PRKCH: variants seen among roughly 807,000 people sequenced by gnomAD.
PRKCH encodes the protein protein kinase C eta, also known as protein kinase C eta type.
Under a neutral mutation model 82.5 loss-of-function variants are expected in PRKCH, and 28 were observed. The ratio of observed to expected loss-of-function variants is 0.34; its 90% CI spans 0.25 to 0.47. The LOEUF (loss-of-function observed/expected upper bound fraction) is 0.47. Ranked by LOEUF, PRKCH falls within the 20% of genes least tolerant of loss-of-function variation. The pLI is 1.00. For synonymous variants in PRKCH, 322 were observed against 327.4 expected (o/e 0.98, Z 0.18); for missense variants, 705 against 881.8 (o/e 0.80, Z 2.54).
intron 1 of PRKCH, among the ~76,000 whole-genome samples, chr14:61,370,273 A>G (rs1217361319): frequency 6.6e-6 from 1 of 152,138 alleles, no homozygotes; most frequent in African/African-American, 2.4e-5. Flanking sequence ...TGAGAACCCT[A>G]ATACATAAAC....
intron 1 of PRKCH, among the ~76,000 whole-genome samples, chr14:61,252,039 C>T (rs1156506670): frequency 1.3e-5 from 2 of 152,120 alleles, no homozygotes; most frequent in Non-Finnish European, 2.9e-5. Flanking sequence ...AGGGTTTCAC[C>T]ATGTTGGTCA....
At chr14:61,284,666 T>C (rs191998172) in intron 1 of PRKCH, among the ~76,000 whole-genome samples, 1 of 152,240 alleles carries the variant, frequency 6.6e-6, no homozygotes, top group Admixed American at 6.5e-5. Flanking sequence ...TATGTTGTGA[T>C]GTATTAAAGG....
At chr14:61,410,977 A>C (rs767694290) in intron 2 of PRKCH, among the ~76,000 whole-genome samples, 5 of 152,242 alleles carry the variant, frequency 3.3e-5, no homozygotes, top group Non-Finnish European at 5.9e-5. Context: ...GACAGAAAGT[A>C]TGAGACATCG....
At chr14:61,385,110 AG>A (rs950119768) in intron 1 of PRKCH, among the ~76,000 whole-genome samples, 9 of 151,360 alleles carry the variant, frequency 5.9e-5, no homozygotes, top group African/African-American at 1.7e-4. Context: ...TCTGTAGGGG[AG>A]GGGGTTAGTG....
At chr14:61,268,963 C>T (rs1452713551) in intron 1 of PRKCH, among the ~76,000 whole-genome samples, 3 of 152,148 alleles carry the variant, frequency 2.0e-5, no homozygotes, top group Non-Finnish European at 4.4e-5. Flanking sequence ...ATTTATTGGT[C>T]TTCCACTTAA....
chr14:61,501,315 C>T (rs984567262), intron 10 of PRKCH, among the ~76,000 whole-genome samples: 12 of 151,934 alleles, frequency 7.9e-5, no homozygotes, highest in African/African-American at 1.7e-4. Context: ...TGGTTATACC[C>T]GTACTGTGGA....
chr14:61,333,831 T>A lies in PRKCH; in HGVS notation c.363+11367T>A, dbSNP rs557953465. Among the ~76,000 whole-genome samples the A allele has an allele frequency of 5.9e-5, 9 of 152,328 alleles. No homozygotes were observed. The East Asian group carries it at 9.6e-4, about 16-fold the overall frequency. ...ACGCTTTTTCTTAAAACATTCACCC[T>A]CTTTTTGAGCTGCAGTGGGCATTAT... On this transcript the variant is annotated intron_variant, in intron 1 of 13. Transcript: ENST00000332981.
intron 3 of PRKCH, 83 bp from the exon 4 acceptor site, chr14:61,445,609 G>A (rs969892579): frequency 4.2e-6 from 5 of 1,182,432 alleles, no homozygotes; most frequent in African/African-American, 1.5e-5. Flanking sequence ...AAGGAGGAGA[G>A]GATGAAATTT....
intron 3 of PRKCH, among the ~76,000 whole-genome samples, chr14:61,443,714 A>T (rs1473835805): frequency 5.9e-5 from 9 of 152,372 alleles, no homozygotes; most frequent in Non-Finnish European, 1.2e-4. Context: ...ATGTAACAGA[A>T]GATAATAGCC....
At chr14:61,539,989 A>G (rs553273711) in intron 12 of PRKCH, among the ~76,000 whole-genome samples, 6 of 152,334 alleles carry the variant, frequency 3.9e-5, no homozygotes, top group Admixed American at 1.3e-4. Context: ...CACTCCCTGA[A>G]CTTATTTCTC....
chr14:61,405,218 C>CA (rs898944106), intron 2 of PRKCH, among the ~76,000 whole-genome samples: 2 of 152,182 alleles, frequency 1.3e-5, no homozygotes, highest in Admixed American at 6.5e-5. Context: ...ATTAAAAGTT[C>CA]AAATTGACTG....
At chr14:61,544,561 C>A (rs1422309717) in intron 12 of PRKCH, 1 of 152,164 alleles carries the variant, frequency 6.6e-6, no homozygotes, top group Non-Finnish European at 1.5e-5. Flanking sequence ...GATGGCCAGC[C>A]CTGGCCTGCA....
chr14:61,378,097 T>C (rs1438712752), intron 1 of PRKCH, among the ~76,000 whole-genome samples: 1 of 152,236 alleles, frequency 6.6e-6, no homozygotes, highest in African/African-American at 2.4e-5. Context: ...TGACTCAGAA[T>C]GGTCTCACTT....
At chr14:61,296,017 C>G (rs906798528) in intron 1 of PRKCH, among the ~76,000 whole-genome samples, 1 of 152,046 alleles carries the variant, frequency 6.6e-6, no homozygotes, top group African/African-American at 2.4e-5. Flanking sequence ...TCTTCATTCC[C>G]CAAAGAACTT....
intron 2 of PRKCH, among the ~76,000 whole-genome samples, chr14:61,407,242 G>T (rs1882001557): frequency 6.6e-6 from 1 of 152,116 alleles, no homozygotes; most frequent in Non-Finnish European, 1.5e-5. Context: ...TTAATACTCA[G>T]ATGATGAGTT....
chr14:61,505,351 G>A (rs567493536), intron 10 of PRKCH, among the ~76,000 whole-genome samples: 15 of 149,328 alleles, frequency 1.0e-4, no homozygotes, highest in South Asian at 6.4e-4. Context: ...GGTGGAAGCC[G>A]TGAGAGAGCT....
At position 61,280,342 on chromosome 14, in the gene PRKCH, A is replaced by C. The variant is rs767814034; in HGVS notation, c.-19+92674A>C. ...CCCGGCCGAGTAGTTGCCCTGGCGG[A>C]TGCGCGCGTACAGTTTGCGGAACGT... is the stretch of plus-strand genomic sequence containing the variant. On this transcript the variant is annotated intron_variant, in intron 1 of 3. Coordinates refer to the PRKCH transcript ENST00000555185. This position sits in a 1 kb window ranked among gnomAD's most constrained non-coding sequence, Gnocchi z 5.0. 2.5e-6 allele frequency: 4 copies of C among 1,613,866 alleles called. No homozygotes were observed. Among genetic ancestry groups the C allele is most frequent in the Non-Finnish European group, 3.4e-6 (4 of 1,179,918 alleles).
At chr14:61,206,808 GA>G (rs139565381) in intron 1 of PRKCH, among the ~76,000 whole-genome samples, 21 of 147,076 alleles carry the variant, frequency 1.4e-4, no homozygotes, top group Middle Eastern at 3.4e-3. Context: ...ATTAGAAAAA[GA>G]AAAAAAAAAG....
At chr14:61,461,360 G>C (rs988405079) in intron 9 of PRKCH, among the ~76,000 whole-genome samples, 5 of 152,240 alleles carry the variant, frequency 3.3e-5, no homozygotes, top group African/African-American at 4.8e-5. Context: ...CTTGAGGCTT[G>C]AGAGGGATAG....
Sources: allele counts gnomAD v4.1 joint callset (sites outside exome capture counted in the v4.1 genomes callset), GRCh38; gene constraint gnomAD v4.1.1; non-coding constraint Gnocchi (gnomAD v3.1); transcripts MANE v1.5; gene names NCBI Gene and HGNC (gene_info 2026-07-23, HGNC 2026-07-21).